The following SLC6A13 variants were observed in gnomAD, a reference collection of about 807,000 sequenced individuals.
SLC6A13 encodes the protein sodium- and chloride-dependent GABA transporter 2.
In SLC6A13, 69 loss-of-function variants were observed where a neutral mutation model predicts 72.9. The observed-to-expected ratio is 0.95, with a 90% confidence interval of 0.78 to 1.16. The LOEUF is 1.16. SLC6A13 is among the 50% of genes most tolerant of loss of function. The probability of loss-of-function intolerance (pLI) is 0.00; values close to 1 mark genes in which losing one functional copy is unlikely to be tolerated. For missense variants in SLC6A13, 735 were observed against 760.5 expected, an observed-to-expected ratio of 0.97 and a Z score of 0.39; for synonymous variants, 303 against 303.0, an observed-to-expected ratio of 1.00 and a Z score of 0.00.
In SLC6A13 at chr12:254,587, C is replaced by T. The variant is rs1352318650; in HGVS notation, c.202+5264G>A. ...TCGACTTTCCAAAACACTTCATTCTCTTGGTTTTCATCCTGCTTTACCAGT... is the reference window on the plus strand; with the variant it reads ...TCGACTTTCCAAAACACTTCATTCTTTTGGTTTTCATCCTGCTTTACCAGT... On this transcript the variant is annotated intron_variant, in intron 2 of 14. Coordinates refer to ENST00000343164, the MANE Select transcript of SLC6A13 (RefSeq NM_016615.5). The surrounding 1 kb of genome is among the most constrained non-coding windows in gnomAD (Gnocchi z 4.4). 6.6e-6 allele frequency among the ~76,000 whole-genome samples: 1 copy of T among 152,224 alleles called. No individual in the cohort carries two copies. The highest frequency in any genetic ancestry group is 1.5e-5 in the Non-Finnish European group (1 of 68,044).
At chr12:238,091 C>T in intron 4 of SLC6A13, 81 bp from the exon 5 acceptor site, 1 of 1,583,624 alleles carries the variant, frequency 6.3e-7, no homozygotes, top group South Asian at 1.1e-5. Flanking sequence ...GGGTGAAATT[C>T]TAGGAGAATG....
intron 9 of SLC6A13, among the ~76,000 whole-genome samples, chr12:225,570 A>C (rs942347437): frequency 6.6e-6 from 1 of 152,046 alleles, no homozygotes. Context: ...GAATCACTTC[A>C]GCCCGGGAAG....
At chr12:250,755 A>C (rs1942503079) in intron 2 of SLC6A13, among the ~76,000 whole-genome samples, 1 of 150,888 alleles carries the variant, frequency 6.6e-6, no homozygotes, top group African/African-American at 2.4e-5. Context: ...AATCAAAAGC[A>C]CAACAGACTT....
Position 222,615 on chromosome 12 carries a change from C to G in SLC6A13, c.1432G>C (p.Asp478His), listed in dbSNP as rs147388541. 130 of 1,606,856 alleles carry G rather than the reference C, an allele frequency of 8.1e-5. No individual in the cohort carries two copies. The highest frequency in any genetic ancestry group is 1.0e-4 in the Non-Finnish European group (122 of 1,175,802). The part of the protein sequence containing the change: ...AWVYGAKRFY[D>H]NIEDMIGYRP... ...TACCCAATCATGTCTTCGATGTTGT[C>G]GTAGAAGCGCTTGGCTCCTACCATG... The change falls in exon 13 of 15, where the codon GAC becomes CAC. Residue 478 changes from aspartate to histidine, a missense_variant. Physicochemically the swap from Asp to His is moderately conservative, Grantham distance 81. Coordinates refer to ENST00000343164, the MANE Select transcript of SLC6A13 (RefSeq NM_016615.5).
At chr12:225,239 C>G (rs1293679013) in intron 9 of SLC6A13, among the ~76,000 whole-genome samples, 1 of 152,262 alleles carries the variant, frequency 6.6e-6, no homozygotes, top group Non-Finnish European at 1.5e-5. Flanking sequence ...TTGCTTCTGC[C>G]AGTCCCAGCT....
At chr12:260,080 T>C in intron 1 of SLC6A13, 23 bp from the exon 2 acceptor site, 2 of 1,603,596 alleles carry the variant, frequency 1.2e-6, no homozygotes, top group Non-Finnish European at 1.7e-6. Context: ...TGGGATGCTC[T>C]GTTACTGTTG....
intron 13 of SLC6A13, among the ~76,000 whole-genome samples, 154 bp downstream of exon 13, chr12:222,378 T>C (rs529104185): frequency 6.6e-6 from 1 of 152,344 alleles, no homozygotes; most frequent in Admixed American, 6.5e-5. Flanking sequence ...TATCTTGCTG[T>C]AGTTTTCTAG....
chr12:223,220 C>A lies in SLC6A13; in HGVS notation c.1326G>T (p.Val442=). Reference sequence around the variant, plus strand: ...CCGCATAGTAGTCAAAGAGCTGGAACACGTACATTCCGCCCTGCATGGGAG... The same window carrying A: ...CCGCATAGTAGTCAAAGAGCTGGAAAACGTACATTCCGCCCTGCATGGGAG... ...LIMLTEGGMY[V]FQLFDYYAAS... The change falls in exon 12 of 15, where the codon GTG becomes GTT. Residue 442 remains valine, a synonymous_variant. Transcript: ENST00000343164. 1 of 1,611,420 alleles carries A rather than the reference C, an allele frequency of 6.2e-7. No individual in the cohort carries two copies. The highest frequency in any genetic ancestry group is 8.5e-7 in the Non-Finnish European group (1 of 1,178,026).
intron 13 of SLC6A13, among the ~76,000 whole-genome samples, chr12:222,029 A>T (rs1252269807): frequency 1.3e-5 from 2 of 152,234 alleles, no homozygotes; most frequent in African/African-American, 4.8e-5. Flanking sequence ...TTTGAATCCC[A>T]GTTCTCTGCA....
chr12:238,837 C>T (rs1171960625), intron 4 of SLC6A13, among the ~76,000 whole-genome samples: 1 of 152,142 alleles, frequency 6.6e-6, no homozygotes, highest in African/African-American at 2.4e-5. Context: ...CTACCACCAC[C>T]CGGTACAGGG....
rs1334061317 is a variant in SLC6A13, at chr12:223,193, G to A, written c.1353C>T (p.Ala451=). The A allele has an allele frequency of 1.9e-6, 3 of 1,613,898 alleles. No individual in the cohort carries two copies. Among genetic ancestry groups the A allele is most frequent in the Admixed American group, 3.3e-5 (2 of 60,028 alleles). ...CCACGAACAGGAGGCACATGCCACT[G>A]GCCGCATAGTAGTCAAAGAGCTGGA... ...YVFQLFDYYA[A]SGMCLLFVAI... Residue 451 remains alanine, a synonymous_variant, in exon 12 of 15, where the codon GCC becomes GCT. Coordinates refer to ENST00000343164, the MANE Select transcript of SLC6A13 (RefSeq NM_016615.5).
intron 4 of SLC6A13, among the ~76,000 whole-genome samples, chr12:241,505 T>G (rs1189017734): frequency 6.6e-6 from 1 of 152,186 alleles, no homozygotes; most frequent in Admixed American, 6.5e-5. Flanking sequence ...TGTGGCTGTT[T>G]AAGTTAACAT....
At chr12:238,329 G>A in intron 4 of SLC6A13, 1 of 1,350,400 alleles carries the variant, frequency 7.4e-7, no homozygotes, top group Non-Finnish European at 9.7e-7. Context: ...TAAGCGTCCT[G>A]TGCAAAGTCA....
chr12:238,043 A>G (rs1305487016), intron 4 of SLC6A13, 33 bp from the exon 5 acceptor site: 1 of 1,602,226 alleles, frequency 6.2e-7, no homozygotes, highest in African/African-American at 1.3e-5. Flanking sequence ...GAAAAAAGAG[A>G]AAAATCATCA....
At chr12:222,498 C>A in intron 13 of SLC6A13, 34 bp downstream of exon 13, 1 of 1,402,588 alleles carries the variant, frequency 7.1e-7, no homozygotes, top group African/African-American at 1.4e-5. Context: ...TCTCTCCCTC[C>A]CTTCATCTGA....
At chr12:259,660 G>T in intron 2 of SLC6A13, 191 bp downstream of exon 2, 2 of 1,442,932 alleles carry the variant, frequency 1.4e-6, no homozygotes, top group South Asian at 3.0e-5. Context: ...ATAATAGAAA[G>T]AGCCCTGGGA....
At chr12:262,227 A>G (rs1350938682) in intron 1 of SLC6A13, among the ~76,000 whole-genome samples, 2 of 152,138 alleles carry the variant, frequency 1.3e-5, no homozygotes, top group East Asian at 3.8e-4. Context: ...CAGAGGTAGC[A>G]TGTTGTGTCT....
At chr12:222,712 A>G (rs139515202) in intron 12 of SLC6A13, 80 bp from the exon 13 acceptor site, 24 of 820,134 alleles carry the variant, frequency 2.9e-5, no homozygotes, top group Non-Finnish European at 4.4e-5. Context: ...CCACAAACAG[A>G]CCAGAATGGG....
intron 6 of SLC6A13, among the ~76,000 whole-genome samples, chr12:235,594 C>A (rs992517897): frequency 2.0e-5 from 3 of 151,926 alleles, no homozygotes; most frequent in Admixed American, 1.3e-4. Flanking sequence ...ATTAACTGTA[C>A]AAATTGATTG....
Sources: gnomAD v4.1 joint callset for allele counts (sites outside exome capture counted in the v4.1 genomes callset) on GRCh38, gnomAD v4.1.1 for gene constraint, Gnocchi (gnomAD v3.1) non-coding constraint, MANE v1.5 for transcripts, NCBI Gene and HGNC (gene_info 2026-07-23, HGNC 2026-07-21) for gene names.